The following MAF variants were observed in gnomAD, a reference collection of about 807,000 sequenced individuals.
MAF encodes transcription factor Maf.
MAF carries 10 observed loss-of-function variants against 22.0 expected under a neutral mutation model. The observed-to-expected ratio is 0.45, with a 90% CI of 0.28 to 0.77. The LOEUF (loss-of-function observed/expected upper bound fraction) is 0.77, where lower values mean the gene tolerates loss of function less well. Among genes scored for constraint, MAF ranks in the 30% least tolerant of loss-of-function variants. The pLI is 0.12. For synonymous variants in MAF, 337 were observed against 255.8 expected (o/e 1.32, Z -3.03); for missense variants, 544 against 548.4 (o/e 0.99, Z 0.08).
the MAF span, among the ~76,000 whole-genome samples, chr16:79,524,101 G>A: frequency 5.3e-5 from 8 of 152,142 alleles, no homozygotes; most frequent in Non-Finnish European, 8.8e-5. Context: ...GCTTTTGAAG[G>A]GACTCACTGG....
At chr16:79,379,587 A>G in the MAF span, among the ~76,000 whole-genome samples, 2 of 152,204 alleles carry the variant, frequency 1.3e-5, no homozygotes, top group African/African-American at 4.8e-5. Flanking sequence ...GTAATTCTAT[A>G]TGAAACTGTG....
At position 79,599,888 on chromosome 16, in the gene MAF, C is replaced by A; in HGVS notation, c.15G>T (p.Leu5=). The A allele has an allele frequency of 1.2e-6, 2 of 1,600,360 alleles. No homozygotes were observed. The highest frequency in any genetic ancestry group is 1.7e-6 in the Non-Finnish European group (2 of 1,178,996). The part of the protein sequence containing the change: MASE[L]AMSNSDLPTS... ...TGGGCAGGTCGGAGTTGCTCATTGC[C>A]AGTTCTGATGCCATTCTCCTGCCGC... Residue 5 remains leucine, a synonymous_variant, in exon 1 of 2, where the codon CTG becomes CTT. Transcript: ENST00000326043.
At chr16:79,463,391 A>G in the MAF span, among the ~76,000 whole-genome samples, 7 of 152,218 alleles carry the variant, frequency 4.6e-5, no homozygotes, top group Non-Finnish European at 1.0e-4. Context: ...GATGCCCTGA[A>G]AGTTTCCCTT....
chr16:79,433,896 A>G, the MAF span, among the ~76,000 whole-genome samples: 132 of 152,324 alleles, frequency 8.7e-4, no homozygotes, highest in African/African-American at 3.0e-3. Context: ...CTACATAGCA[A>G]TGATGGCCTA....
chr16:79,594,823 C>G, intron 1 of MAF: 1 of 1,251,646 alleles, frequency 8.0e-7, no homozygotes, highest in Non-Finnish European at 1.0e-6. Flanking sequence ...TACAGCCAGC[C>G]ACTCAAACCT....
chr16:79,350,822 G>A, the MAF span, among the ~76,000 whole-genome samples: 1 of 152,124 alleles, frequency 6.6e-6, no homozygotes, highest in Non-Finnish European at 1.5e-5. Flanking sequence ...CTCCTGGAAT[G>A]TCAGAGTTGT....
At chr16:79,340,301 T>C in the MAF span, among the ~76,000 whole-genome samples, 1 of 151,892 alleles carries the variant, frequency 6.6e-6, no homozygotes, top group Non-Finnish European at 1.5e-5. Context: ...AAAGATGCCT[T>C]GTTATTATTG....
At chr16:79,371,155 G>T in the MAF span, among the ~76,000 whole-genome samples, 33 of 152,090 alleles carry the variant, frequency 2.2e-4, no homozygotes, top group African/African-American at 8.0e-4. Context: ...TGTTTTGGTG[G>T]GAGTGCCTGG....
the MAF span, among the ~76,000 whole-genome samples, chr16:79,425,699 T>C: frequency 1.4e-4 from 21 of 152,168 alleles, no homozygotes; most frequent in African/African-American, 4.6e-4. Context: ...CTCCCTCTTT[T>C]TTTCTGACTT....
chr16:79,365,712 T>A, the MAF span, among the ~76,000 whole-genome samples: 9 of 152,076 alleles, frequency 5.9e-5, no homozygotes, highest in Non-Finnish European at 1.2e-4. Flanking sequence ...TGTTTTTATG[T>A]CCCCCATCTT....
chr16:79,597,186 T>A, intron 1 of MAF: 1 of 1,054,494 alleles, frequency 9.5e-7, no homozygotes, highest in Non-Finnish European at 1.1e-6. Flanking sequence ...ATTTAGTGCA[T>A]CAATCGTTTA....
At chr16:79,342,577 C>T in the MAF span, among the ~76,000 whole-genome samples, 2 of 152,056 alleles carry the variant, frequency 1.3e-5, no homozygotes, top group Non-Finnish European at 1.5e-5. Flanking sequence ...TCACCATCAC[C>T]ATCACTGTCA....
At chr16:79,338,379 G>A in the MAF span, among the ~76,000 whole-genome samples, 3 of 152,056 alleles carry the variant, frequency 2.0e-5, no homozygotes, top group African/African-American at 7.2e-5. Context: ...ATTCTGTAAG[G>A]GAGTGACAGT....
chr16:79,408,483 G>A, the MAF span, among the ~76,000 whole-genome samples: 1 of 152,068 alleles, frequency 6.6e-6, no homozygotes, highest in Admixed American at 6.6e-5. Flanking sequence ...GCCACATTGT[G>A]GCTTTTCTAC....
chr16:79,532,663 A>G, the MAF span, among the ~76,000 whole-genome samples: 178 of 152,364 alleles, frequency 1.2e-3, no homozygotes, highest in African/African-American at 3.9e-3. Context: ...TCAGGCATGA[A>G]GATATGAAAT....
the MAF span, among the ~76,000 whole-genome samples, chr16:79,297,594 T>A: frequency 6.6e-5 from 10 of 152,212 alleles, no homozygotes; most frequent in Admixed American, 5.9e-4. Context: ...ACTCTCCTTA[T>A]AGATTTTGTG....
At chr16:79,536,638 T>C in the MAF span, among the ~76,000 whole-genome samples, 1 of 152,254 alleles carries the variant, frequency 6.6e-6, no homozygotes, top group South Asian at 2.1e-4. Flanking sequence ...CTAGACTCCG[T>C]CTTGAAAAAA....
At chr16:79,469,370 A>C in the MAF span, among the ~76,000 whole-genome samples, 2 of 152,190 alleles carry the variant, frequency 1.3e-5, no homozygotes, top group African/African-American at 4.8e-5. Context: ...TAAGCTCGGG[A>C]TTCAGACAGA....
the MAF span, among the ~76,000 whole-genome samples, chr16:79,515,218 G>C: frequency 6.6e-6 from 1 of 152,192 alleles, no homozygotes; most frequent in African/African-American, 2.4e-5. Context: ...AGACTTCAAC[G>C]CTGCTGACCC....
Sources: allele counts gnomAD v4.1 joint callset (sites outside exome capture counted in the v4.1 genomes callset), GRCh38; gene constraint gnomAD v4.1.1; transcripts MANE v1.5; gene names NCBI Gene and HGNC (gene_info 2026-07-23, HGNC 2026-07-21).